Variants in RALYL observed in about 807,000 individuals in gnomAD.
RALYL encodes the protein RNA-binding Raly-like protein.
A neutral mutation model predicts 35.1 loss-of-function variants in RALYL; 29 were observed. That is an observed-to-expected ratio of 0.83 (90% confidence interval 0.61 to 1.13). RALYL has a LOEUF of 1.13. RALYL is among the 50% of genes most tolerant of loss of function. The pLI is 0.00. For missense variants in RALYL, 359 were observed against 360.4 expected (o/e 1.00, Z 0.03); for synonymous variants, 120 against 127.6 (o/e 0.94, Z 0.40).
At chr8:84,755,231 C>A (rs927656069) in intron 2 of RALYL, among the ~76,000 whole-genome samples, 1 of 152,164 alleles carries the variant, frequency 6.6e-6, no homozygotes, top group Non-Finnish European at 1.5e-5. Flanking sequence ...GAAGCAGTCA[C>A]ATCTCCTAAA....
In RALYL at chr8:84,679,132, A is replaced by G. The variant is rs80052793; in HGVS notation, c.257-95447A>G. ...TGCTGATTCTGAGAACTCAAAATAC[A>G]TTGTCAATGTGGAGCAGATTGCTAA... On this transcript the variant is annotated intron_variant, in intron 2 of 8. Coordinates refer to ENST00000521268, the MANE Select transcript of RALYL (RefSeq NM_173848.7). 600 of 212,566 alleles carry G rather than the reference A, an allele frequency of 2.8e-3. 6 individuals are homozygous for G. Among genetic ancestry groups the G allele is most frequent in the African/African-American group, 0.013 (557 of 43,164 alleles). 13.2% of individuals were successfully genotyped at this position (212,566 alleles called of 1,614,324 possible). A position where few individuals can be genotyped will look rare whatever the true frequency, so the allele number is the denominator to read the frequency against.
intron 1 of RALYL, among the ~76,000 whole-genome samples, chr8:84,451,286 G>C (rs1021550580): frequency 1.2e-4 from 18 of 151,750 alleles, no homozygotes; most frequent in Non-Finnish European, 4.4e-5. Flanking sequence ...TTCATTTTTA[G>C]TTCCGTATCC....
intron 1 of RALYL, among the ~76,000 whole-genome samples, chr8:84,195,287 A>G (rs1178520513): frequency 6.6e-6 from 1 of 152,154 alleles, no homozygotes; most frequent in East Asian, 1.9e-4. Context: ...TAAAAATACA[A>G]AAATTAGCTG....
chr8:84,375,641 G>T (rs186181535), intron 1 of RALYL, among the ~76,000 whole-genome samples: 1 of 151,736 alleles, frequency 6.6e-6, no homozygotes, highest in Non-Finnish European at 1.5e-5. Context: ...AAAGTGGTAC[G>T]CAAATTCATG....
At chr8:84,401,637 CAAAAAA>C (rs71271985) in intron 1 of RALYL, among the ~76,000 whole-genome samples, 1 of 17,426 alleles carries the variant, frequency 5.7e-5, no homozygotes, top group East Asian at 2.6e-3. Flanking sequence ...GACTCTGTCT[CAAAAAA>C]AAAAAAAAAA....
chr8:84,522,205 AT>A (rs1221520774), intron 1 of RALYL, among the ~76,000 whole-genome samples: 6 of 151,234 alleles, frequency 4.0e-5, no homozygotes, highest in African/African-American at 1.5e-4. Context: ...TTAATAAAAT[AT>A]TTTATATCTT....
At chr8:84,214,432 A>G (rs1820286627) in intron 1 of RALYL, among the ~76,000 whole-genome samples, 1 of 152,152 alleles carries the variant, frequency 6.6e-6, no homozygotes, top group Non-Finnish European at 1.5e-5. Flanking sequence ...GAGAATATAT[A>G]ATATTTGCAT....
intron 1 of RALYL, among the ~76,000 whole-genome samples, chr8:84,235,094 T>C (rs573107044): frequency 2.6e-5 from 4 of 152,308 alleles, no homozygotes; most frequent in Admixed American, 2.6e-4. Flanking sequence ...AGAAATGTTT[T>C]GCTTTGTTCT....
chr8:84,210,756 G>A (rs1819301388), intron 1 of RALYL, among the ~76,000 whole-genome samples: 2 of 152,018 alleles, frequency 1.3e-5, no homozygotes, highest in Admixed American at 1.3e-4. Context: ...TTTTCAGCAA[G>A]GCTCTATGCC....
rs998515096 is a variant in RALYL, at chr8:84,343,390, T to C, written c.-24+158966T>C. ...ATACATACATTTATCAATGCTGACA[T>C]TGATACCTTTCTACATAGCTCAGCA... On this transcript the variant is annotated intron_variant, in intron 1 of 8. Transcript: ENST00000521268. Among the ~76,000 whole-genome samples, 17 of 152,080 alleles carry C rather than the reference T, an allele frequency of 1.1e-4. 1 individual carries two copies. The highest frequency in any genetic ancestry group is 7.4e-5 in the Non-Finnish European group (5 of 67,990).
chr8:84,802,973 A>AAGAG (rs1236006851), intron 3 of RALYL, among the ~76,000 whole-genome samples: 1 of 152,204 alleles, frequency 6.6e-6, no homozygotes, highest in African/African-American at 2.4e-5. Context: ...AGGCTGAAAA[A>AAGAG]AGAGAGAGGA....
intron 8 of RALYL, among the ~76,000 whole-genome samples, chr8:84,894,979 T>C (rs1294471372): frequency 3.9e-5 from 6 of 152,126 alleles, no homozygotes; most frequent in Non-Finnish European, 7.4e-5. Context: ...AGTTTTTCCA[T>C]CTATAAAAGA....
chr8:84,309,509 A>T (rs1375430040), intron 1 of RALYL, among the ~76,000 whole-genome samples: 2 of 152,074 alleles, frequency 1.3e-5, no homozygotes, highest in East Asian at 3.9e-4. Flanking sequence ...TCTAAAATAA[A>T]ACATTGTAGT....
chr8:84,419,076 G>C (rs1020428625), intron 1 of RALYL, among the ~76,000 whole-genome samples: 1 of 152,068 alleles, frequency 6.6e-6, no homozygotes, highest in African/African-American at 2.4e-5. Flanking sequence ...AAAAAGATAA[G>C]GTGAAAAGAG....
intron 1 of RALYL, among the ~76,000 whole-genome samples, chr8:84,327,433 T>C (rs1489308099): frequency 6.6e-6 from 1 of 152,060 alleles, no homozygotes; most frequent in African/African-American, 2.4e-5. Context: ...CAGCTTGTGG[T>C]GTGATGTAAA....
At chr8:84,570,313 G>A (rs1588244136) in intron 2 of RALYL, among the ~76,000 whole-genome samples, 2 of 150,694 alleles carry the variant, frequency 1.3e-5, no homozygotes, top group Middle Eastern at 3.4e-3. Flanking sequence ...TTGGTTAAAT[G>A]TATTCTAAAT....
At chr8:84,900,604 G>A (rs902540383) in intron 8 of RALYL, among the ~76,000 whole-genome samples, 8 of 152,094 alleles carry the variant, frequency 5.3e-5, no homozygotes, top group East Asian at 3.9e-4. Context: ...GCTTGAACCC[G>A]GGAGGCAGAG....
intron 2 of RALYL, among the ~76,000 whole-genome samples, chr8:84,545,003 TC>T (rs2060261749): frequency 6.6e-6 from 1 of 152,070 alleles, no homozygotes; most frequent in South Asian, 2.1e-4. Context: ...GCTCCTTGAA[TC>T]ATATTTCTGA....
At chr8:84,442,421 T>C (rs890032630) in intron 1 of RALYL, among the ~76,000 whole-genome samples, 1 of 152,148 alleles carries the variant, frequency 6.6e-6, no homozygotes, top group African/African-American at 2.4e-5. Flanking sequence ...CAACGTTTAT[T>C]GTCTGTTCTT....
Sources: gnomAD v4.1 joint callset for allele counts (sites outside exome capture counted in the v4.1 genomes callset) on GRCh38, gnomAD v4.1.1 for gene constraint, MANE v1.5 for transcripts, NCBI Gene and HGNC (gene_info 2026-07-23, HGNC 2026-07-21) for gene names.